Variants in ADAMTSL1 observed in about 807,000 individuals in gnomAD.
ADAMTSL1 encodes ADAMTS like 1.
A neutral mutation model predicts 201.8 loss-of-function variants in ADAMTSL1; 126 were observed. The observed-to-expected ratio is 0.62, with a 90% CI of 0.54 to 0.72. The LOEUF is 0.72. Among genes scored for constraint, ADAMTSL1 ranks in the 30% least tolerant of loss-of-function variants. ADAMTSL1 has a pLI of 0.00. For synonymous variants in ADAMTSL1, 1,121 were observed against 903.4 expected, an observed-to-expected ratio of 1.24 and a Z score of -4.32; for missense variants, 2,679 against 2,277.8, an observed-to-expected ratio of 1.18 and a Z score of -3.59.
At chr9:18,501,656 A>T (rs1822853462) in intron 1 of ADAMTSL1, among the ~76,000 whole-genome samples, 2 of 152,236 alleles carry the variant, frequency 1.3e-5, no homozygotes, top group South Asian at 4.1e-4. Context: ...GCATCTCTAA[A>T]AAGTCATTGC....
chr9:18,810,779 T>A (rs1189297924), intron 20 of ADAMTSL1, among the ~76,000 whole-genome samples: 1 of 152,112 alleles, frequency 6.6e-6, no homozygotes, highest in East Asian at 1.9e-4. Context: ...GGACTTCGAC[T>A]TCTGGAAAGA....
At chr9:18,419,731 CTTT>C (rs772122083) in intron 2 of ADAMTSL1, among the ~76,000 whole-genome samples, 14 of 125,290 alleles carry the variant, frequency 1.1e-4, no homozygotes, top group African/African-American at 3.3e-4. Flanking sequence ...ATTTATTTGA[CTTT>C]TTTTTTTTTT....
intron 26 of ADAMTSL1, 79 bp downstream of exon 26, chr9:18,892,675 TCACTGC>T (rs1226252271): frequency 2.1e-6 from 3 of 1,446,898 alleles, no homozygotes; most frequent in African/African-American, 2.8e-5. Flanking sequence ...TGAAATGCTA[TCACTGC>T]CACTGCCACC....
chr9:18,578,166 A>T (rs542853326), intron 4 of ADAMTSL1, among the ~76,000 whole-genome samples: 1 of 152,276 alleles, frequency 6.6e-6, no homozygotes, highest in South Asian at 2.1e-4. Flanking sequence ...GGTGTTTATC[A>T]ACATTTTCTA....
Position 18,337,690 on chromosome 9 carries a change from T to A in ADAMTSL1, c.208-167139T>A, listed in dbSNP as rs76393427. The stretch of plus-strand genomic sequence containing the variant: ...CACTATGAGCTAAGGTTTAAACTCT[T>A]CACCTCATAGGCTAAATGTAATTAA... On this transcript the variant is annotated intron_variant, in intron 2 of 29. Transcript: ENST00000680146. 3.7e-3 allele frequency among the ~76,000 whole-genome samples: 568 copies of A among 152,270 alleles called. 4 individuals carry two copies. Among genetic ancestry groups the A allele is most frequent in the African/African-American group, 0.013 (523 of 41,550 alleles).
At chr9:18,229,387 G>A (rs374416145) in intron 2 of ADAMTSL1, among the ~76,000 whole-genome samples, 27 of 152,120 alleles carry the variant, frequency 1.8e-4, no homozygotes, top group African/African-American at 5.8e-4. Flanking sequence ...GGACTGTGAT[G>A]TGACAGTGGC....
chr9:18,358,043 A>G (rs999204603), intron 2 of ADAMTSL1, among the ~76,000 whole-genome samples: 1 of 152,206 alleles, frequency 6.6e-6, no homozygotes, highest in African/African-American at 2.4e-5. Context: ...TTTGGACCAA[A>G]TAGACCTAAA....
intron 3 of ADAMTSL1, among the ~76,000 whole-genome samples, chr9:18,551,139 AGTG>A (rs1373762827): frequency 6.6e-6 from 1 of 151,866 alleles, no homozygotes; most frequent in Non-Finnish European, 1.5e-5. Flanking sequence ...AGTTTTCCAA[AGTG>A]GTGGTTTCAA....
chr9:18,219,666 C>T (rs937616592), intron 2 of ADAMTSL1, among the ~76,000 whole-genome samples: 3 of 152,122 alleles, frequency 2.0e-5, no homozygotes, highest in African/African-American at 7.2e-5. Flanking sequence ...CCTATATGTA[C>T]ATTTAATTAA....
chr9:18,118,134 A>G (rs902387757), intron 1 of ADAMTSL1, among the ~76,000 whole-genome samples: 4 of 152,184 alleles, frequency 2.6e-5, no homozygotes, highest in African/African-American at 9.6e-5. Context: ...TTCATAAGTT[A>G]TCTTTCTATT....
rs186490840 is a variant in ADAMTSL1 at position 18,766,317 on chromosome 9, A to G, written c.2218-4285A>G. Among the ~76,000 whole-genome samples, 3 of 152,308 alleles carry G rather than the reference A, an allele frequency of 2.0e-5. No homozygotes were observed. The East Asian group carries it at 5.8e-4, about 29-fold the overall frequency. The stretch of plus-strand genomic sequence containing the variant: ...GGGCAGGGTTAGAGGAGTATAGATT[A>G]TATTCTCATTGCAAGGGAACGTCAT... On this transcript the variant is annotated intron_variant, in intron 16 of 28. Transcript: ENST00000380548.
chr9:18,890,458 G>A (rs190672174), intron 25 of ADAMTSL1: 88 of 455,424 alleles, frequency 1.9e-4, no homozygotes, highest in Non-Finnish European at 2.2e-5. Context: ...AGTGCTGAGA[G>A]CCTGGGGGGA....
chr9:18,315,544 G>T (rs1834351592), intron 2 of ADAMTSL1, among the ~76,000 whole-genome samples: 1 of 152,178 alleles, frequency 6.6e-6, no homozygotes, highest in Non-Finnish European at 1.5e-5. Context: ...TGGGCCGGCA[G>T]TGCTGGGGGA....
At chr9:18,634,493 G>A (rs377501436) in intron 5 of ADAMTSL1, among the ~76,000 whole-genome samples, 1 of 151,888 alleles carries the variant, frequency 6.6e-6, no homozygotes, top group Non-Finnish European at 1.5e-5. Flanking sequence ...AGCCCGGGAA[G>A]CTAAGGCTGC....
At chr9:18,243,217 G>A (rs1198178646) in intron 2 of ADAMTSL1, among the ~76,000 whole-genome samples, 4 of 152,144 alleles carry the variant, frequency 2.6e-5, no homozygotes. Flanking sequence ...GGAACCAAGA[G>A]GATACAATGG....
chr9:18,744,627 T>C (rs538035163), intron 15 of ADAMTSL1, among the ~76,000 whole-genome samples: 1 of 152,380 alleles, frequency 6.6e-6, no homozygotes, highest in South Asian at 2.1e-4. Context: ...AGGTTCTCAC[T>C]TGAACCTCAT....
intron 1 of ADAMTSL1, among the ~76,000 whole-genome samples, chr9:18,054,989 G>A (rs546925272): frequency 6.6e-6 from 1 of 152,172 alleles, no homozygotes; most frequent in Non-Finnish European, 1.5e-5. Context: ...TCCCCAGCCG[G>A]TGCTCTAGAG....
intron 2 of ADAMTSL1, among the ~76,000 whole-genome samples, chr9:18,245,829 C>G (rs10756952): frequency 6.6e-6 from 1 of 151,732 alleles, no homozygotes; most frequent in Non-Finnish European, 1.5e-5. Flanking sequence ...AACTTTAAAT[C>G]AAGTTTCTGC....
intron 14 of ADAMTSL1, among the ~76,000 whole-genome samples, chr9:18,708,329 G>A (rs972062604): frequency 5.9e-5 from 9 of 152,162 alleles, no homozygotes; most frequent in Admixed American, 5.9e-4. Context: ...TGACCTTGAG[G>A]TTCTTGTTTG....
Sources: gnomAD v4.1 joint callset for allele counts (sites outside exome capture counted in the v4.1 genomes callset) on GRCh38, gnomAD v4.1.1 for gene constraint, MANE v1.5 for transcripts, NCBI Gene and HGNC (gene_info 2026-07-23, HGNC 2026-07-21) for gene names.